Variants in RGS11 observed in about 807,000 individuals in gnomAD.
RGS11 encodes the protein regulator of G protein signaling 11.
RGS11 carries 86 observed loss-of-function variants against 71.1 expected under a neutral mutation model. The ratio of observed to expected loss-of-function variants is 1.21; its 90% CI spans 1.02 to 1.45. The LOEUF (loss-of-function observed/expected upper bound fraction) is 1.45. RGS11 is among the 40% of genes most tolerant of loss of function. RGS11 has a pLI of 0.00. For synonymous variants in RGS11, 298 were observed against 254.2 expected (o/e 1.17, Z -1.64); for missense variants, 734 against 635.1 (o/e 1.16, Z -1.67).
At position 269,076 on chromosome 16, in the gene RGS11, T is replaced by G; in HGVS notation, c.*193A>C. 1.0e-6 allele frequency: 1 copy of G among 983,780 alleles called. No individual in the cohort carries two copies. Among genetic ancestry groups the G allele is most frequent in the Middle Eastern group, 2.4e-4 (1 of 4,104 alleles). The allele number at this position is 983,780 out of a possible 1,614,324, so 60.9% of individuals were successfully genotyped here. ...CCTGGGAATCCACACCTGGACCCAT[T>G]CCTTCTGGGCAGGGAGGGCTTGCTG... On this transcript the variant is annotated 3_prime_UTR_variant, in exon 17 of 17. Coordinates refer to ENST00000397770, the MANE Select transcript of RGS11 (RefSeq NM_183337.3).
rs888656429 is a variant in RGS11, at chr16:275,485, A to G, written c.77T>C (p.Val26Ala). ...MPHLRKMERV[V>A]VSMQDPDQGV... ...CTGGTCGGGGTCCTGCATGCTCACG[A>G]CCACCCGCTCCATCTGGGCGGAGGG... The change falls in exon 2 of 17, where the codon GTC becomes GCC. Residue 26 changes from valine to alanine, a missense_variant. Val to Ala is a moderately conservative substitution (Grantham distance 64). Coordinates refer to ENST00000397770, the MANE Select transcript of RGS11 (RefSeq NM_183337.3). 6.3e-6 allele frequency: 10 copies of G among 1,577,754 alleles called. No individual in the cohort carries two copies. Among genetic ancestry groups the G allele is most frequent in the Non-Finnish European group, 8.5e-6 (10 of 1,169,814 alleles).
intron 15 of RGS11, among the ~76,000 whole-genome samples, chr16:270,106 G>A (rs7499719): frequency 0.13 from 19,395 of 151,806 alleles, 4,056 homozygotes; most frequent in African/African-American, 0.43. Context: ...AAAATTAGCC[G>A]GGCGTGGTGG....
intron 4 of RGS11, 195 bp from the exon 5 acceptor site, chr16:274,460 C>T (rs1253129645): frequency 4.8e-6 from 3 of 623,948 alleles, no homozygotes; most frequent in East Asian, 5.5e-5. Context: ...TCAACTCGCT[C>T]CTTAGGGCCC....
At chr16:274,333 T>C (rs2052072299) in intron 4 of RGS11, 68 bp from the exon 5 acceptor site, 1 of 1,521,932 alleles carries the variant, frequency 6.6e-7, no homozygotes, top group African/African-American at 1.4e-5. Flanking sequence ...CACCCCACCC[T>C]CAGACCTCCC....
rs934230243 is a variant in RGS11 at position 269,138 on chromosome 16, C to T, written c.*131G>A. On this transcript the variant is annotated 3_prime_UTR_variant, in exon 17 of 17. Coordinates refer to ENST00000397770, the MANE Select transcript of RGS11 (RefSeq NM_183337.3). The stretch of plus-strand genomic sequence containing the variant: ...GCTGTGCACCCCACAGAAGACTGGG[C>T]CCCCTGGGCACAAGGGGACACTGGT... The T allele has an allele frequency of 6.6e-6, 6 of 906,290 alleles. No homozygotes were observed. The highest frequency in any genetic ancestry group is 3.3e-5 in the African/African-American group (2 of 60,620). 56.1% of individuals were successfully genotyped at this position (906,290 alleles called of 1,614,324 possible). A position where few individuals can be genotyped will look rare whatever the true frequency, so the allele number is the denominator to read the frequency against.
intron 13 of RGS11, 54 bp from the exon 14 acceptor site, chr16:270,885 G>A (rs912874835): frequency 9.8e-5 from 155 of 1,587,592 alleles, no homozygotes; most frequent in South Asian, 1.2e-4. Flanking sequence ...AGCCAGGGCC[G>A]GTGGGGGGTT....
Position 275,403 on chromosome 16 carries a change from T to A in RGS11, c.159A>T (p.Thr53=), listed in dbSNP as rs2052125818. 6.2e-7 allele frequency: 1 copy of A among 1,606,338 alleles called. No homozygotes were observed. The highest frequency in any genetic ancestry group is 8.5e-7 in the Non-Finnish European group (1 of 1,179,120). The change falls in exon 2 of 17, where the codon ACA becomes ACT. Residue 53 remains threonine (T), a splice_region_variant and synonymous_variant. Transcript: ENST00000397770. ...CACCCCCGCCCCGGCGCGCCTCACC[T>A]GTCACCGCGTGGGGAATGACGGTGA... ...LLVTVIPHAV[T]GSDVVQWLAQ...
At position 268,363 on chromosome 16, in the gene RGS11, G is replaced by A. The variant is rs1000299354; in HGVS notation, c.*906C>T. 3 of 288,840 alleles carry A rather than the reference G, an allele frequency of 1.0e-5. No homozygotes were observed. The highest frequency in any genetic ancestry group is 2.0e-5 in the Non-Finnish European group (3 of 148,022). 17.9% of individuals were successfully genotyped at this position (288,840 alleles called of 1,614,324 possible). On this transcript the variant is annotated 3_prime_UTR_variant, in exon 17 of 17. Coordinates refer to ENST00000397770, the MANE Select transcript of RGS11 (RefSeq NM_183337.3). ...ATTTGTGTGCTGGACGCTGTTGGGA[G>A]TGACTGGATGTGAGCCAGCCCTATG... is the stretch of plus-strand genomic sequence containing the variant.
Position 268,478 on chromosome 16 carries a change from G to T in RGS11, c.*791C>A, listed in dbSNP as rs2051771143. 5 of 497,044 alleles carry T rather than the reference G, an allele frequency of 1.0e-5. No homozygotes were observed. The highest frequency in any genetic ancestry group is 1.8e-5 in the Non-Finnish European group (5 of 272,106). 30.8% of individuals were successfully genotyped at this position (497,044 alleles called of 1,614,324 possible). ...TACCTTCACCCAGTCTGGGGGACTG[G>T]TGAGGCACTTGGGGGATGGGGAGCA... is the stretch of plus-strand genomic sequence containing the variant. On this transcript the variant is annotated 3_prime_UTR_variant, in exon 17 of 17. Coordinates refer to ENST00000397770, the MANE Select transcript of RGS11 (RefSeq NM_183337.3).
At position 268,622 on chromosome 16, in the gene RGS11, G is replaced by T. The variant is rs1398405208; in HGVS notation, c.*647C>A. 5.8e-6 allele frequency: 4 copies of T among 692,188 alleles called. No individual in the cohort carries two copies. Among genetic ancestry groups the T allele is most frequent in the Non-Finnish European group, 9.8e-6 (4 of 407,162 alleles). The allele number at this position is 692,188 out of a possible 1,614,324, so 42.9% of individuals were successfully genotyped here. A position where few individuals can be genotyped will look rare whatever the true frequency, so the allele number is the denominator to read the frequency against. ...AATGTCAGAGTTGTCTATAAATCGG[G>T]GGGGAGGCCGCGGCCTCGAGGTGGG... On this transcript the variant is annotated 3_prime_UTR_variant, in exon 17 of 17. Coordinates refer to ENST00000397770, the MANE Select transcript of RGS11 (RefSeq NM_183337.3).
rs776533805 is a variant in RGS11 at position 269,565 on chromosome 16, C to T, written c.1227G>A (p.Leu409=). The part of the protein sequence containing the change: ...LMKKDSYPRF[L]KSDMYKALLA... The stretch of plus-strand genomic sequence containing the variant: ...GGAGGGCCTTGTACATGTCAGACTT[C>T]AGGAACCTTGGGTAGGAGTCCTACA... The change falls in exon 16 of 17, where the codon CTG becomes CTA. Residue 409 remains leucine (L), a synonymous_variant. Coordinates refer to ENST00000397770, the MANE Select transcript of RGS11 (RefSeq NM_183337.3). The T allele has an allele frequency of 3.1e-6, 5 of 1,613,394 alleles. No individual in the cohort carries two copies. Among genetic ancestry groups the T allele is most frequent in the East Asian group, 2.2e-5 (1 of 44,876 alleles).
In RGS11 at chr16:272,906, T is replaced by C. The variant is rs1228791409; in HGVS notation, c.614A>G (p.Gln205Arg). The C allele has an allele frequency of 1.3e-6, 2 of 1,525,646 alleles. No individual in the cohort carries two copies. Among genetic ancestry groups the C allele is most frequent in the Non-Finnish European group, 1.8e-6 (2 of 1,132,794 alleles). The allele number at this position is 1,525,646 out of a possible 1,614,324, so 94.5% of individuals were successfully genotyped here. The change falls in exon 9 of 17, where the codon CAG (glutamine) becomes CGG (arginine). Residue 205 changes from glutamine (Q) to arginine (R), a missense_variant. Gln to Arg is a conservative substitution (Grantham distance 43, BLOSUM62 1). Coordinates refer to ENST00000397770, the MANE Select transcript of RGS11 (RefSeq NM_183337.3). The stretch of plus-strand genomic sequence containing the variant: ...AGCGCAGGATCCCCGCCCTGGACCC[T>C]GCTCCAGCACATCGGGGGCCCCGGG... ...PPPGAPDVLE[Q>R]GPGRGSCAAS... is the part of the protein sequence containing the mutation.
Position 269,396 on chromosome 16 carries a change from A to C in RGS11, c.1290-13T>G. On this transcript the variant is annotated splice_polypyrimidine_tract_variant and intron_variant, in intron 16 of 16. Coordinates refer to ENST00000397770, the MANE Select transcript of RGS11 (RefSeq NM_183337.3). ...AAACGGGAACACGCTGTGGGCGAGA[A>C]GGCGGCTGAGAACAGGCTGGCCAGC... 6.3e-7 allele frequency: 1 copy of C among 1,596,708 alleles called. No individual in the cohort carries two copies. Among genetic ancestry groups the C allele is most frequent in the Admixed American group, 1.7e-5 (1 of 57,748 alleles).
chr16:272,853 A>G lies in RGS11; in HGVS notation c.657+10T>C, dbSNP rs1000133880. On this transcript the variant is annotated intron_variant, in intron 9 of 16. Transcript: ENST00000397770. The stretch of plus-strand genomic sequence containing the variant: ...GTGAGAGGGCGGCCAGCACGCACGC[A>G]GGGGCTCACCATGAGCACACGGCTG... 1.9e-6 allele frequency: 3 copies of G among 1,542,332 alleles called. No individual in the cohort carries two copies. Among genetic ancestry groups the G allele is most frequent in the African/African-American group, 2.7e-5 (2 of 72,876 alleles).
intron 3 of RGS11, 47 bp downstream of exon 3, chr16:275,236 C>T: frequency 6.2e-7 from 1 of 1,610,702 alleles, no homozygotes; most frequent in South Asian, 1.1e-5. Flanking sequence ...CAGGCCTAGG[C>T]CACCAGCCCA....
chr16:275,647 C>CGGGCCGGGGA (rs749531352), intron 1 of RGS11, 149 bp from the exon 2 acceptor site: 41 of 563,912 alleles, frequency 7.3e-5, no homozygotes, highest in Admixed American at 1.5e-4. Flanking sequence ...GGACGCGGGG[C>CGGGCCGGGGA]GGGCCGGGGA....
In RGS11 at chr16:271,578, G is replaced by GGAT. The variant is rs770805823; in HGVS notation, c.658-12_658-10dup. On this transcript the variant is annotated splice_polypyrimidine_tract_variant and intron_variant, in intron 9 of 16. Coordinates refer to ENST00000397770, the MANE Select transcript of RGS11 (RefSeq NM_183337.3). Reference sequence around the variant, plus strand: ...AAATCTGCACTCTTGGTCTAGAAGGGGATAGGTGGGCTGCAGTTAGATGCA... The same window carrying GGAT: ...AAATCTGCACTCTTGGTCTAGAAGGGGATGATAGGTGGGCTGCAGTTAGATGCA... The GGAT allele has an allele frequency of 5.6e-6, 9 of 1,613,900 alleles. No homozygotes were observed. In the South Asian group the frequency reaches 9.9e-5, roughly 18 times the overall value.
rs1567239961 is a variant in RGS11 at position 273,847 on chromosome 16, C to CGA, written c.430-13_430-12dup. 1.2e-6 allele frequency: 2 copies of CGA among 1,613,014 alleles called. No homozygotes were observed. Among genetic ancestry groups the CGA allele is most frequent in the South Asian group, 2.2e-5 (2 of 91,084 alleles). On this transcript the variant is annotated splice_polypyrimidine_tract_variant and intron_variant, in intron 6 of 16. Coordinates refer to ENST00000397770, the MANE Select transcript of RGS11 (RefSeq NM_183337.3). Reference sequence around the variant, plus strand: ...CCGGTCATAGCAGTCCTGGGGGCAGCGAGGTTTCCAGTGGGTCACCCCGGC... The same window carrying CGA: ...CCGGTCATAGCAGTCCTGGGGGCAGCGAGAGGTTTCCAGTGGGTCACCCCGGC...
chr16:273,475 C>A lies in RGS11; in HGVS notation c.588G>T (p.Pro196=). The A allele has an allele frequency of 3.2e-6, 5 of 1,549,210 alleles. No homozygotes were observed. Among genetic ancestry groups the A allele is most frequent in the Non-Finnish European group, 4.4e-6 (5 of 1,146,684 alleles). The change falls in exon 8 of 17, where the codon CCG becomes CCT. Residue 196 remains proline (P), a splice_region_variant and synonymous_variant. Coordinates refer to ENST00000397770, the MANE Select transcript of RGS11 (RefSeq NM_183337.3). ...EQTYWLVNRP[P]PGAPDVLEQG... ...CCACCCTCACCGCAGGTGGGCTCAC[C>A]GGGGGCCTGTTCACCAGCCAGTAGG...
Sources: gnomAD v4.1 joint callset for allele counts (sites outside exome capture counted in the v4.1 genomes callset) on GRCh38, gnomAD v4.1.1 for gene constraint, MANE v1.5 for transcripts, NCBI Gene and HGNC (gene_info 2026-07-23, HGNC 2026-07-21) for gene names.